Variants in NBPF14 observed in about 807,000 individuals in gnomAD.
NBPF14 encodes the protein NBPF member 14.
In NBPF14, 104 loss-of-function variants were observed where a neutral mutation model predicts 91.2. That is an observed-to-expected ratio of 1.14 (90% CI 0.97 to 1.34). The LOEUF is 1.34. Among genes scored for constraint, NBPF14 ranks in the 40% most tolerant of loss-of-function variants. The pLI is 0.00. For synonymous variants in NBPF14, 294 were observed against 303.8 expected, an observed-to-expected ratio of 0.97 and a Z score of 0.34; for missense variants, 908 against 783.0, an observed-to-expected ratio of 1.16 and a Z score of -1.91.
In NBPF14 at chr1:148,566,331, A is replaced by T; in HGVS notation, c.3543-16T>A. 3 of 775,752 alleles carry T rather than the reference A, an allele frequency of 3.9e-6. 1 individual carries two copies. The highest frequency in any genetic ancestry group is 3.6e-5 in the Admixed American group (2 of 56,020). 48.1% of individuals were successfully genotyped at this position (775,752 alleles called of 1,614,324 possible). A position where few individuals can be genotyped will look rare whatever the true frequency, so the allele number is the denominator to read the frequency against. ...CCTGCTGAGCCTGGAAAAGGAGGAA[A>T]AGGTAAAGAATAAGCCAGGGGAAAT... On this transcript the variant is annotated splice_polypyrimidine_tract_variant and intron_variant, in intron 28 of 70. Transcript: ENST00000619423.
intron 69 of NBPF14, among the ~76,000 whole-genome samples, chr1:148,534,403 G>T (rs1553332198): frequency 6.6e-6 from 1 of 151,746 alleles, no homozygotes; most frequent in African/African-American, 2.4e-5. Context: ...CAAAATCACA[G>T]TTCTCTGAAT....
chr1:148,575,848 G>A (rs1659595153), intron 16 of NBPF14, 37 bp from the exon 17 acceptor site: 16 of 312,916 alleles, frequency 5.1e-5, no homozygotes, highest in South Asian at 3.0e-4. Context: ...TAAGCCAGGG[G>A]GAATCAGAAA....
intron 8 of NBPF14, 128 bp downstream of exon 8, chr1:148,587,173 G>T: frequency 1.3e-6 from 1 of 757,966 alleles, no homozygotes; most frequent in Non-Finnish European, 2.3e-6. Context: ...TTTGTGTGTA[G>T]CGAGCCTGCC....
At position 148,566,227 on chromosome 1, in the gene NBPF14, C is replaced by A. The variant is rs1230162207; in HGVS notation, c.3631G>T (p.Glu1211Ter). The change falls in exon 29 of 71, where the codon GAA becomes TAA. Residue 1211 changes from glutamate to a stop codon, truncating the protein, a stop_gained. Transcript: ENST00000619423. LOFTEE classifies it high-confidence loss of function. ...TAGGGCTGGCAGGAGTCAGGCTGTT[C>A]AAGACAACTGGAAGGAGTTGAATAA... The A allele has an allele frequency of 3.4e-6, 2 of 594,826 alleles. No individual in the cohort carries two copies. The highest frequency in any genetic ancestry group is 5.5e-5 in the African/African-American group (2 of 36,126). The allele number at this position is 594,826 out of a possible 1,614,324, so 36.8% of individuals were successfully genotyped here.
chr1:148,558,083 G>A (rs1657003158), intron 39 of NBPF14, among the ~76,000 whole-genome samples, 169 bp downstream of exon 39: 1 of 17,962 alleles, frequency 5.6e-5, no homozygotes. Context: ...CCCATTTCAT[G>A]TCTAGGCTTC....
rs1487845188 is a variant in NBPF14 at position 148,578,893 on chromosome 1, G to C, written c.1801+181C>G. Among the ~76,000 whole-genome samples, 3 of 148,542 alleles carry C rather than the reference G, an allele frequency of 2.0e-5. No homozygotes were observed. In the East Asian group the frequency reaches 6.0e-4, roughly 30 times the overall value. ...GACTAGGAAGAGAGTAAAGCTCACTGACCCACCCCATGCCTGTGCTTCAGA... is the reference window on the plus strand; with the variant it reads ...GACTAGGAAGAGAGTAAAGCTCACTCACCCACCCCATGCCTGTGCTTCAGA... On this transcript the variant is annotated intron_variant, in intron 13 of 70. Transcript: ENST00000619423.
At chr1:148,585,036 G>C in intron 10 of NBPF14, 105 bp downstream of exon 10, 1 of 746,812 alleles carries the variant, frequency 1.3e-6, no homozygotes, top group South Asian at 1.5e-5. Context: ...CTGTGGCCAA[G>C]CGAATGCGGG....
Position 148,589,855 on chromosome 1 carries a change from G to C in NBPF14, c.779-462C>G, listed in dbSNP as rs1279103495. Among the ~76,000 whole-genome samples the C allele has an allele frequency of 2.0e-5, 3 of 147,622 alleles. No individual in the cohort carries two copies. In the East Asian group the frequency reaches 5.8e-4, roughly 29 times the overall value. On this transcript the variant is annotated intron_variant, in intron 6 of 70. Transcript: ENST00000619423. ...TCAAGCGATTCTCATCCCTCAGCCT[G>C]CCAAGCATCTGGGATTACAAGCGCC... is the stretch of plus-strand genomic sequence containing the variant.
chr1:148,533,738 A>C, intron 70 of NBPF14, 123 bp downstream of exon 70: 1 of 750,854 alleles, frequency 1.3e-6, no homozygotes, highest in Non-Finnish European at 2.4e-6. Context: ...AACCAACAGC[A>C]ATGACAGTAG....
intron 40 of NBPF14, among the ~76,000 whole-genome samples, chr1:148,557,105 G>T (rs1180961240): frequency 8.0e-6 from 1 of 125,128 alleles, no homozygotes; most frequent in Non-Finnish European, 1.6e-5. Context: ...GAGAGAGAAC[G>T]AGCTCAGTGA....
At chr1:148,534,506 C>A (rs1232743271) in intron 69 of NBPF14, among the ~76,000 whole-genome samples, 178 bp downstream of exon 69, 4 of 151,856 alleles carry the variant, frequency 2.6e-5, no homozygotes, top group South Asian at 2.1e-4. Flanking sequence ...GCTCACTGAC[C>A]CATTTCATGT....
At chr1:148,539,241 G>A (rs1655482252) in intron 63 of NBPF14, among the ~76,000 whole-genome samples, 169 bp downstream of exon 63, 1 of 110,962 alleles carries the variant, frequency 9.0e-6, no homozygotes, top group South Asian at 3.2e-4. Context: ...CCCATTTCAT[G>A]TCTAGGCTTC....
intron 14 of NBPF14, 109 bp from the exon 15 acceptor site, chr1:148,577,464 A>T (rs1315122629): frequency 2.9e-6 from 2 of 695,508 alleles, no homozygotes; most frequent in African/African-American, 3.6e-5. Context: ...GAAAAAGGAC[A>T]GATCCATTAA....
chr1:148,572,312 C>A, intron 21 of NBPF14, 131 bp downstream of exon 21: 1 of 227,676 alleles, frequency 4.4e-6, no homozygotes, highest in Admixed American at 8.0e-5. Flanking sequence ...TCATTACAAC[C>A]TATATGCGCC....
chr1:148,575,780 G>T (rs1659581540), exon 17 of NBPF14: 29 of 302,018 alleles, frequency 9.6e-5, no homozygotes, highest in Non-Finnish European at 1.5e-4. Flanking sequence ...AAGACTTCAG[G>T]CTCTTTCTCA....
At chr1:148,572,718 A>T (rs2149526940) in intron 20 of NBPF14, 103 bp from the exon 21 acceptor site, 2 of 641,610 alleles carry the variant, frequency 3.1e-6, no homozygotes, top group Non-Finnish European at 2.7e-6. Flanking sequence ...TGAAAAGAAA[A>T]AGGACAGATC....
At chr1:148,594,105 G>T (rs1463929263) in intron 2 of NBPF14, among the ~76,000 whole-genome samples, 1 of 146,686 alleles carries the variant, frequency 6.8e-6, no homozygotes, top group Non-Finnish European at 1.5e-5. Flanking sequence ...TGGGACTGAT[G>T]GCTTCCCTTT....
In NBPF14 at chr1:148,593,283, G is replaced by T. The variant is rs1662798161; in HGVS notation, c.278+315C>A. Among the ~76,000 whole-genome samples, 3 of 148,748 alleles carry T rather than the reference G, an allele frequency of 2.0e-5. 1 individual carries two copies. The highest frequency in any genetic ancestry group is 4.5e-5 in the Non-Finnish European group (3 of 66,304). On this transcript the variant is annotated intron_variant, in intron 3 of 70. Coordinates refer to ENST00000619423, the Ensembl canonical transcript of NBPF14. ...GATTCTCACTAAGGGTAAGTGGGGT[G>T]GCGATAGCACACCATTTTGATTATA... is the stretch of plus-strand genomic sequence containing the variant.
At chr1:148,542,151 G>A (rs1655646722) in intron 59 of NBPF14, among the ~76,000 whole-genome samples, 1 of 104,742 alleles carries the variant, frequency 9.5e-6, no homozygotes, top group Middle Eastern at 4.0e-3. Flanking sequence ...TGATTTCTAG[G>A]AGAAAAACTG....
Sources: allele counts gnomAD v4.1 joint callset (sites outside exome capture counted in the v4.1 genomes callset), GRCh38; gene constraint gnomAD v4.1.1; transcripts MANE v1.5; gene names NCBI Gene and HGNC (gene_info 2026-07-23, HGNC 2026-07-21).